SFT2D2: variants seen among roughly 807,000 people sequenced by gnomAD.
SFT2D2 encodes the protein SFT2 domain containing 2, also known as vesicle transport protein SFT2B.
In SFT2D2, 21 loss-of-function variants were observed where a neutral mutation model predicts 27.4. That is an observed-to-expected ratio of 0.77 (90% CI 0.54 to 1.10). The LOEUF (loss-of-function observed/expected upper bound fraction) is 1.10, where lower values mean the gene tolerates loss of function less well. Ranked by LOEUF, SFT2D2 falls within the 50% of genes least tolerant of loss-of-function variation. The pLI, the probability that SFT2D2 is intolerant of heterozygous loss-of-function variation, is 0.00. For missense variants in SFT2D2, 187 were observed against 194.2 expected (o/e 0.96, Z 0.22); for synonymous variants, 72 against 71.7 (o/e 1.00, Z -0.02).
At chr1:168,234,172 C>T (rs558084339) in intron 3 of SFT2D2, among the ~76,000 whole-genome samples, 203 of 152,128 alleles carry the variant, frequency 1.3e-3, no homozygotes, top group Non-Finnish European at 8.8e-4. Context: ...CCGAGTTGGG[C>T]GGATCACGAG....
chr1:168,240,174 CA>C (rs71299093), intron 7 of SFT2D2, among the ~76,000 whole-genome samples: 51,152 of 103,106 alleles, frequency 0.5, 10,508 homozygotes, highest in Non-Finnish European at 0.57. Context: ...GACTCTGTCT[CA>C]AAAAAAAAAA....
rs542579951 is a variant in SFT2D2 at position 168,236,904 on chromosome 1, T to C, written c.413+134T>C. On this transcript the variant is annotated intron_variant, in intron 6 of 7. Coordinates refer to ENST00000271375, the MANE Select transcript of SFT2D2 (RefSeq NM_199344.3). ...TGTTTAATTTAAGGATTCGTAATGA[T>C]GAAAGTGAAGTCAGGCTCCAGAGCA... The C allele has an allele frequency of 5.6e-5, 63 of 1,121,052 alleles. No homozygotes were observed. In the African/African-American group the frequency reaches 9.3e-4, roughly 17 times the overall value. The allele number at this position is 1,121,052 out of a possible 1,614,324, so 69.4% of individuals were successfully genotyped here.
chr1:168,231,666 T>TCCACCTCCTTTCCCCTTTTGC, intron 2 of SFT2D2, 66 bp downstream of exon 2: 2 of 1,529,116 alleles, frequency 1.3e-6, no homozygotes, highest in Admixed American at 1.7e-5. Context: ...CCCCCTTTTG[T>TCCACCTCCTTTCCCCTTTTGC]CCACCTCCTT....
In SFT2D2 at chr1:168,245,933, C is replaced by T. The variant is rs373456667; in HGVS notation, c.*3393C>T. ...GCGTCTCCTTAGTACATTTTATAGTCGCTGTAAGTTGATTCCATTTTTCTT... is the reference window on the plus strand; with the variant it reads ...GCGTCTCCTTAGTACATTTTATAGTTGCTGTAAGTTGATTCCATTTTTCTT... On this transcript the variant is annotated 3_prime_UTR_variant, in exon 8 of 8. Transcript: ENST00000271375. 10 of 162,832 alleles carry T rather than the reference C, an allele frequency of 6.1e-5. No individual in the cohort carries two copies. In the East Asian group the frequency reaches 1.1e-3, roughly 19 times the overall value. 10.1% of individuals were successfully genotyped at this position (162,832 alleles called of 1,614,324 possible).
chr1:168,241,954 T>G (rs1243860223), intron 7 of SFT2D2, among the ~76,000 whole-genome samples: 3 of 152,168 alleles, frequency 2.0e-5, no homozygotes, highest in Admixed American at 2.0e-4. Flanking sequence ...ATGGAAGTGC[T>G]TGCTTGGGTA....
chr1:168,237,410 A>G (rs1647532818), intron 6 of SFT2D2, among the ~76,000 whole-genome samples: 2 of 152,180 alleles, frequency 1.3e-5, no homozygotes, highest in African/African-American at 4.8e-5. Flanking sequence ...TTGGGAAACC[A>G]TGAGTGGGGC....
chr1:168,239,977 C>T (rs1361127457), intron 7 of SFT2D2, among the ~76,000 whole-genome samples: 4 of 151,836 alleles, frequency 2.6e-5, no homozygotes, highest in African/African-American at 9.7e-5. Context: ...AGATCGAGAC[C>T]ATCCTGGCTA....
intron 2 of SFT2D2, 30 bp from the exon 3 acceptor site, chr1:168,231,804 C>T: frequency 6.2e-7 from 1 of 1,607,958 alleles, no homozygotes; most frequent in Non-Finnish European, 8.5e-7. Flanking sequence ...GAGGGTTGCT[C>T]ATGTGCAAAC....
At chr1:168,239,978 A>G (rs1446166921) in intron 7 of SFT2D2, among the ~76,000 whole-genome samples, 2 of 151,984 alleles carry the variant, frequency 1.3e-5, no homozygotes, top group Non-Finnish European at 2.9e-5. Context: ...GATCGAGACC[A>G]TCCTGGCTAA....
At chr1:168,226,781 G>GGA (rs1270232715) in intron 1 of SFT2D2, among the ~76,000 whole-genome samples, 1 of 152,198 alleles carries the variant, frequency 6.6e-6, no homozygotes, top group African/African-American at 2.4e-5. Flanking sequence ...CAGCGCCTCA[G>GGA]GAGACTGCCT....
Position 168,245,548 on chromosome 1 carries a change from T to C in SFT2D2, c.*3008T>C. The stretch of plus-strand genomic sequence containing the variant: ...ATCTATAGATATAATGCAGTCCCCA[T>C]CCAAAGCCAAGCAGGCTTTTTTTTT... On this transcript the variant is annotated 3_prime_UTR_variant, in exon 8 of 8. Coordinates refer to ENST00000271375, the MANE Select transcript of SFT2D2 (RefSeq NM_199344.3). 1 of 144,688 alleles carries C rather than the reference T, an allele frequency of 6.9e-6. No individual in the cohort carries two copies. Among genetic ancestry groups the C allele is most frequent in the African/African-American group, 2.5e-5 (1 of 39,658 alleles). The allele number at this position is 144,688 out of a possible 1,614,324, so 9.0% of individuals were successfully genotyped here. A position where few individuals can be genotyped will look rare whatever the true frequency, so the allele number is the denominator to read the frequency against.
rs1257625627 is a variant in SFT2D2 at position 168,248,201 on chromosome 1, T to C, written c.*5661T>C. On this transcript the variant is annotated 3_prime_UTR_variant, in exon 8 of 8. Coordinates refer to ENST00000271375, the MANE Select transcript of SFT2D2 (RefSeq NM_199344.3). ...GATCTCATTTTGTCTATTTTGGCTT[T>C]TGTTGCCATTGCTTTTGGTGTTTTA... The C allele has an allele frequency of 1.3e-5, 2 of 152,254 alleles. No homozygotes were observed. The highest frequency in any genetic ancestry group is 4.8e-5 in the African/African-American group (2 of 41,466). The allele number at this position is 152,254 out of a possible 1,614,324, so 9.4% of individuals were successfully genotyped here. A position where few individuals can be genotyped will look rare whatever the true frequency, so the allele number is the denominator to read the frequency against.
intron 7 of SFT2D2, among the ~76,000 whole-genome samples, chr1:168,241,303 G>T (rs1480838229): frequency 1.4e-5 from 2 of 143,578 alleles, no homozygotes; most frequent in Non-Finnish European, 3.0e-5. Context: ...CAACCTCCTG[G>T]CTTCAAGCTG....
chr1:168,233,992 A>G (rs1047318788), intron 3 of SFT2D2, among the ~76,000 whole-genome samples: 7 of 152,216 alleles, frequency 4.6e-5, no homozygotes, highest in Non-Finnish European at 7.3e-5. Flanking sequence ...CAAAGAGAGG[A>G]AGACTTATTG....
In SFT2D2 at chr1:168,242,953, T is replaced by C. The variant is rs1038729866; in HGVS notation, c.*413T>C. On this transcript the variant is annotated 3_prime_UTR_variant, in exon 8 of 8. Transcript: ENST00000271375. The stretch of plus-strand genomic sequence containing the variant: ...CAGAGTTTTGGGGTCCACTTGTCCC[T>C]CAGCATGGAAGCCATCACCGTGGTC... 2 of 251,146 alleles carry C rather than the reference T, an allele frequency of 8.0e-6. No individual in the cohort carries two copies. Among genetic ancestry groups the C allele is most frequent in the Non-Finnish European group, 1.6e-5 (2 of 126,398 alleles). 15.6% of individuals were successfully genotyped at this position (251,146 alleles called of 1,614,324 possible).
At chr1:168,226,464 C>T (rs1281155948) in intron 1 of SFT2D2, among the ~76,000 whole-genome samples, 1 of 152,200 alleles carries the variant, frequency 6.6e-6, no homozygotes, top group African/African-American at 2.4e-5. Flanking sequence ...GGGGAATGCG[C>T]TTTAGGGCCG....
intron 4 of SFT2D2, 73 bp from the exon 5 acceptor site, chr1:168,236,516 G>T: frequency 6.9e-7 from 1 of 1,447,608 alleles, no homozygotes; most frequent in South Asian, 1.2e-5. Context: ...CATTTGTGAA[G>T]AATAACAAGT....
At position 168,242,936 on chromosome 1, in the gene SFT2D2, T is replaced by A; in HGVS notation, c.*396T>A. The A allele has an allele frequency of 3.8e-6, 1 of 261,062 alleles. No individual in the cohort carries two copies. Among genetic ancestry groups the A allele is most frequent in the Non-Finnish European group, 7.6e-6 (1 of 131,720 alleles). 16.2% of individuals were successfully genotyped at this position (261,062 alleles called of 1,614,324 possible). On this transcript the variant is annotated 3_prime_UTR_variant, in exon 8 of 8. Transcript: ENST00000271375. ...GGAGCAACAGTAAGGGACAGAGTTT[T>A]GGGGTCCACTTGTCCCTCAGCATGG...
chr1:168,242,795 T>G lies in SFT2D2; in HGVS notation c.*255T>G. 1 of 498,170 alleles carries G rather than the reference T, an allele frequency of 2.0e-6. No homozygotes were observed. Among genetic ancestry groups the G allele is most frequent in the Non-Finnish European group, 3.7e-6 (1 of 272,510 alleles). The allele number at this position is 498,170 out of a possible 1,614,324, so 30.9% of individuals were successfully genotyped here. On this transcript the variant is annotated 3_prime_UTR_variant, in exon 8 of 8. Transcript: ENST00000271375. ...GAATCTTCCTCATGTACCTGTTTCC[T>G]CTCTGGATGTTGTCCCACTGAATTC...
Sources: allele counts gnomAD v4.1 joint callset (sites outside exome capture counted in the v4.1 genomes callset), GRCh38; gene constraint gnomAD v4.1.1; transcripts MANE v1.5; gene names NCBI Gene and HGNC (gene_info 2026-07-23, HGNC 2026-07-21).